DLGAP2: variants seen among roughly 807,000 people sequenced by gnomAD.
DLGAP2 encodes the protein disks large-associated protein 2.
In DLGAP2, 26 loss-of-function variants were observed where a neutral mutation model predicts 100.3. That is an observed-to-expected ratio of 0.26 (90% CI 0.19 to 0.36). The LOEUF (loss-of-function observed/expected upper bound fraction) is 0.36, where lower values mean the gene tolerates loss of function less well. DLGAP2 is among the 10% of genes least tolerant of loss of function. DLGAP2 has a pLI of 1.00. For synonymous variants in DLGAP2, 886 were observed against 630.1 expected (o/e 1.41, Z -6.08); for missense variants, 1,858 against 1,453.2 (o/e 1.28, Z -4.53).
At position 1,115,818 on chromosome 8, in the gene DLGAP2, A is replaced by C. The variant is rs749505756; in HGVS notation, c.74-143033A>C. Among the ~76,000 whole-genome samples the C allele has an allele frequency of 5.9e-5, 9 of 152,234 alleles. No homozygotes were observed. In the East Asian group the frequency reaches 7.7e-4, roughly 13 times the overall value. On this transcript the variant is annotated intron_variant, in intron 2 of 14. Coordinates refer to ENST00000637795, the MANE Select transcript of DLGAP2 (RefSeq NM_001346810.2). ...GACAGTTTTCGAATTTGTTGAGATGATCTCATTTGGGCTCTTCTTCTAGTC... is the reference window on the plus strand; with the variant it reads ...GACAGTTTTCGAATTTGTTGAGATGCTCTCATTTGGGCTCTTCTTCTAGTC...
intron 3 of DLGAP2, among the ~76,000 whole-genome samples, chr8:1,460,010 A>T (rs947109760): frequency 1.3e-5 from 2 of 152,214 alleles, no homozygotes; most frequent in African/African-American, 4.8e-5. Flanking sequence ...GAATGAAGTC[A>T]GTAAACCTTT....
chr8:917,215 A>ATCCC (rs1554445113), intron 2 of DLGAP2, among the ~76,000 whole-genome samples: 219 of 120,720 alleles, frequency 1.8e-3, no homozygotes, highest in Non-Finnish European at 3.0e-3. Flanking sequence ...CCCTCCCTCC[A>ATCCC]TCCCTCCCTC....
At chr8:1,178,828 T>C (rs1797317964) in intron 2 of DLGAP2, among the ~76,000 whole-genome samples, 1 of 152,206 alleles carries the variant, frequency 6.6e-6, no homozygotes, top group South Asian at 2.1e-4. Flanking sequence ...CTGTCCACCC[T>C]GGTTTCTCAC....
At chr8:1,142,323 C>G (rs1268807681) in intron 2 of DLGAP2, among the ~76,000 whole-genome samples, 1 of 152,130 alleles carries the variant, frequency 6.6e-6, no homozygotes, top group Non-Finnish European at 1.5e-5. Context: ...GCCATGAGTT[C>G]TGAGCATCAC....
At chr8:1,638,310 T>A (rs1797816952) in intron 8 of DLGAP2, among the ~76,000 whole-genome samples, 1 of 152,044 alleles carries the variant, frequency 6.6e-6, no homozygotes, top group Admixed American at 6.5e-5. Context: ...CTGTCCGGTG[T>A]CCTTATAAGA....
chr8:1,381,575 C>T (rs1305808388), intron 3 of DLGAP2, among the ~76,000 whole-genome samples: 2 of 152,084 alleles, frequency 1.3e-5, no homozygotes, highest in Non-Finnish European at 2.9e-5. Flanking sequence ...TAGCATCTCC[C>T]CGTTCCGCTT....
At chr8:917,457 C>G (rs1263614247) in intron 2 of DLGAP2, among the ~76,000 whole-genome samples, 3 of 152,170 alleles carry the variant, frequency 2.0e-5, no homozygotes, top group Admixed American at 1.3e-4. Flanking sequence ...AGGCTGCTCT[C>G]GAACTCCTGG....
chr8:1,593,219 C>T (rs2130678531), intron 6 of DLGAP2, among the ~76,000 whole-genome samples: 2 of 152,168 alleles, frequency 1.3e-5, no homozygotes, highest in East Asian at 1.9e-4. Flanking sequence ...CTTTAGGAGA[C>T]CAAGGCGGGT....
intron 2 of DLGAP2, among the ~76,000 whole-genome samples, chr8:1,134,297 C>G (rs191103963): frequency 6.6e-6 from 1 of 152,140 alleles, no homozygotes; most frequent in African/African-American, 2.4e-5. Context: ...CTGCAATGAA[C>G]GTGCATGTGT....
intron 4 of DLGAP2, among the ~76,000 whole-genome samples, chr8:1,516,533 G>A (rs1800394731): frequency 6.6e-6 from 1 of 151,996 alleles, no homozygotes; most frequent in Admixed American, 6.6e-5. Flanking sequence ...GTCAGTGAGT[G>A]AGTGAGTGCA....
chr8:1,352,368 C>T (rs1235745672), intron 3 of DLGAP2, among the ~76,000 whole-genome samples: 3 of 152,036 alleles, frequency 2.0e-5, no homozygotes, highest in African/African-American at 7.2e-5. Flanking sequence ...AGCGACTCCC[C>T]CTGGGGCTTC....
chr8:1,702,769 T>G lies in DLGAP2; in HGVS notation c.*1363T>G, dbSNP rs142098500. 1.3e-5 allele frequency: 2 copies of G among 152,444 alleles called. No homozygotes were observed. Among genetic ancestry groups the G allele is most frequent in the African/African-American group, 4.8e-5 (2 of 41,576 alleles). The allele number at this position is 152,444 out of a possible 1,614,324, so 9.4% of individuals were successfully genotyped here. ...TTCTGTTTCACAGTTCAGACCGGTC[T>G]TCAAAGGAAAAGCCTGTCCGATTTT... On this transcript the variant is annotated 3_prime_UTR_variant, in exon 15 of 15. Transcript: ENST00000637795.
At chr8:1,556,015 CA>C (rs1464884486) in intron 5 of DLGAP2, among the ~76,000 whole-genome samples, 1 of 152,140 alleles carries the variant, frequency 6.6e-6, no homozygotes, top group Admixed American at 6.5e-5. Context: ...CCAGGTTTAC[CA>C]GGGGAGAATG....
intron 3 of DLGAP2, among the ~76,000 whole-genome samples, chr8:1,461,202 G>A (rs1004713252): frequency 2.1e-5 from 3 of 141,662 alleles, no homozygotes; most frequent in African/African-American, 7.9e-5. Flanking sequence ...GGGTGCAGTC[G>A]CTGATTCGGT....
chr8:868,902 T>C (rs1053142892), intron 1 of DLGAP2, among the ~76,000 whole-genome samples: 4 of 152,226 alleles, frequency 2.6e-5, no homozygotes, highest in African/African-American at 9.6e-5. Flanking sequence ...TTGTGTCTCC[T>C]GGTGTTTTGC....
chr8:853,775 A>T (rs1387651506), intron 1 of DLGAP2, among the ~76,000 whole-genome samples: 6 of 152,114 alleles, frequency 3.9e-5, no homozygotes, highest in African/African-American at 7.2e-5. Context: ...ATTGCTAGGG[A>T]CTGAACCAGG....
chr8:1,687,294 A>C (rs1799141609), intron 12 of DLGAP2, among the ~76,000 whole-genome samples: 4 of 152,240 alleles, frequency 2.6e-5, no homozygotes, highest in Admixed American at 2.6e-4. Flanking sequence ...TAAAAGAGCC[A>C]AGTGTGTTAA....
At chr8:772,378 A>G (rs1821386448) in intron 1 of DLGAP2, among the ~76,000 whole-genome samples, 1 of 152,174 alleles carries the variant, frequency 6.6e-6, no homozygotes, top group South Asian at 2.1e-4. Flanking sequence ...GCTGGAGTGC[A>G]GTGGCATGAT....
At chr8:1,676,755 C>G in intron 11 of DLGAP2, 137 bp downstream of exon 11, 1 of 811,700 alleles carries the variant, frequency 1.2e-6, no homozygotes, top group South Asian at 1.8e-5. Flanking sequence ...TTATACTTTT[C>G]CATTGATAAC....
Sources: gnomAD v4.1 joint callset for allele counts (sites outside exome capture counted in the v4.1 genomes callset) on GRCh38, gnomAD v4.1.1 for gene constraint, MANE v1.5 for transcripts, NCBI Gene and HGNC (gene_info 2026-07-23, HGNC 2026-07-21) for gene names.